Variants in ANKRD52 observed in about 807,000 individuals in gnomAD.
ANKRD52 encodes the protein serine/threonine-protein phosphatase 6 regulatory ankyrin repeat subunit C.
ANKRD52 carries 7 observed loss-of-function variants against 116.0 expected under a neutral mutation model. The observed-to-expected ratio is 0.06, with a 90% CI of 0.03 to 0.11. The LOEUF is 0.11. Among genes scored for constraint, ANKRD52 ranks in the 10% least tolerant of loss-of-function variants. The pLI is 1.00. For synonymous variants in ANKRD52, 528 were observed against 578.1 expected (o/e 0.91, Z 1.24); for missense variants, 839 against 1,408.6 (o/e 0.60, Z 6.47).
chr12:56,246,387 A>G (rs1198831719), intron 20 of ANKRD52, among the ~76,000 whole-genome samples: 2 of 152,156 alleles, frequency 1.3e-5, no homozygotes, highest in Non-Finnish European at 2.9e-5. Context: ...GACTCTCTCT[A>G]TGCCAGCAGA....
chr12:56,256,011 A>G, intron 4 of ANKRD52, 27 bp from the exon 5 acceptor site: 1 of 1,542,696 alleles, frequency 6.5e-7, no homozygotes, highest in Non-Finnish European at 8.8e-7. Context: ...GACAAAAGAG[A>G]GAGTGGGAGC....
intron 3 of ANKRD52, 48 bp downstream of exon 3, chr12:56,257,235 C>G: frequency 6.4e-7 from 1 of 1,555,338 alleles, no homozygotes; most frequent in Non-Finnish European, 8.7e-7. Context: ...AGACTCCTCC[C>G]CTCCCTTCGC....
In ANKRD52 at chr12:56,253,014, A is replaced by T. The variant is rs1040224055; in HGVS notation, c.1173T>A (p.Leu391=). ...LFGFSDCCRK[L]LSSGQLYSIV... is the part of the protein sequence containing the mutation. ...CCCATCAGCACATACCTGAGGAAAG[A>T]AGCTTACGACAACAGTCAGAGAATC... is the stretch of plus-strand genomic sequence containing the variant. The change falls in exon 11 of 28, where the codon CTT becomes CTA. Residue 391 remains leucine, a synonymous_variant. Coordinates refer to ENST00000267116, the MANE Select transcript of ANKRD52 (RefSeq NM_173595.4). This position sits in a 1 kb window ranked among gnomAD's most constrained non-coding sequence, Gnocchi z 5.5. 6.3e-7 allele frequency: 1 copy of T among 1,586,668 alleles called. No homozygotes were observed.
intron 2 of ANKRD52, 91 bp from the exon 3 acceptor site, chr12:56,257,452 C>T: frequency 3.6e-6 from 4 of 1,122,286 alleles, no homozygotes; most frequent in Non-Finnish European, 3.9e-6. Context: ...CAGGCCCTTC[C>T]CCACAACCTC....
chr12:56,249,066 G>A (rs906801310), intron 15 of ANKRD52, among the ~76,000 whole-genome samples, 196 bp from the exon 16 acceptor site: 4 of 152,206 alleles, frequency 2.6e-5, no homozygotes, highest in African/African-American at 9.7e-5. Flanking sequence ...CTCAAGGTCT[G>A]CCCTGAACCC....
At position 56,244,232 on chromosome 12, in the gene ANKRD52, C is replaced by A; in HGVS notation, c.2806-99G>T. The A allele has an allele frequency of 6.5e-7, 1 of 1,528,390 alleles. No homozygotes were observed. Among genetic ancestry groups the A allele is most frequent in the East Asian group, 2.3e-5 (1 of 44,256 alleles). 94.7% of individuals were successfully genotyped at this position (1,528,390 alleles called of 1,614,324 possible). On this transcript the variant is annotated intron_variant, in intron 25 of 27. Coordinates refer to ENST00000267116, the MANE Select transcript of ANKRD52 (RefSeq NM_173595.4). The surrounding 1 kb of genome is among the most constrained non-coding windows in gnomAD (Gnocchi z 4.9). ...AGTAACAGGAGGACAAACAGCTGCC[C>A]AACCAGTCGGATAGGCTGGACAATC...
rs763987203 is a variant in ANKRD52 at position 56,252,742 on chromosome 12, T to A, written c.1301+38A>T. ...TGAGGGGCCCAGACCTTTGCCCAGC[T>A]CCCTGCTCAAAGCATGGGAGAGAGA... is the stretch of plus-strand genomic sequence containing the variant. On this transcript the variant is annotated intron_variant, in intron 12 of 27. Coordinates refer to ENST00000267116, the MANE Select transcript of ANKRD52 (RefSeq NM_173595.4). The surrounding 1 kb of genome is among the most constrained non-coding windows in gnomAD (Gnocchi z 4.7). 1 of 1,601,352 alleles carries A rather than the reference T, an allele frequency of 6.2e-7. No individual in the cohort carries two copies. The highest frequency in any genetic ancestry group is 1.1e-5 in the South Asian group (1 of 90,758).
At position 56,255,059 on chromosome 12, in the gene ANKRD52, T is replaced by C; in HGVS notation, c.463-107A>G. On this transcript the variant is annotated intron_variant, in intron 5 of 27. Transcript: ENST00000267116. This position sits in a 1 kb window ranked among gnomAD's most constrained non-coding sequence, Gnocchi z 4.3. Reference sequence around the variant, plus strand: ...AAAAGGCTGAGGCAGCCTAATGCCTTTTTCCATGAGCAAAACAACCTGGAG... The same window carrying C: ...AAAAGGCTGAGGCAGCCTAATGCCTCTTTCCATGAGCAAAACAACCTGGAG... The C allele has an allele frequency of 8.5e-7, 1 of 1,171,728 alleles. No individual in the cohort carries two copies. The highest frequency in any genetic ancestry group is 1.2e-6 in the Non-Finnish European group (1 of 810,082). 72.6% of individuals were successfully genotyped at this position (1,171,728 alleles called of 1,614,324 possible).
rs1871847847 is a variant in ANKRD52 at position 56,254,434 on chromosome 12, G to A, written c.693+144C>T. On this transcript the variant is annotated intron_variant, in intron 7 of 27. Transcript: ENST00000267116. The surrounding 1 kb of genome is among the most constrained non-coding windows in gnomAD (Gnocchi z 4.6). Reference sequence around the variant, plus strand: ...AGGTACTAAGGGCACTATGGCTAAGGTAAGCATTATTCAGACCCTCTCTAC... The same window carrying A: ...AGGTACTAAGGGCACTATGGCTAAGATAAGCATTATTCAGACCCTCTCTAC... The A allele has an allele frequency of 1.4e-6, 2 of 1,447,858 alleles. No homozygotes were observed. Among genetic ancestry groups the A allele is most frequent in the Non-Finnish European group, 1.9e-6 (2 of 1,072,578 alleles). The allele number at this position is 1,447,858 out of a possible 1,614,324, so 89.7% of individuals were successfully genotyped here.
chr12:56,245,322 C>G, intron 21 of ANKRD52, 55 bp downstream of exon 21: 2 of 1,603,006 alleles, frequency 1.2e-6, no homozygotes, highest in Non-Finnish European at 1.7e-6. Context: ...ACCTGTCCCC[C>G]TCTACACACA....
chr12:56,257,170 G>C, intron 3 of ANKRD52, 85 bp from the exon 4 acceptor site: 1 of 1,559,978 alleles, frequency 6.4e-7, no homozygotes, highest in Non-Finnish European at 8.7e-7. Flanking sequence ...AATCTGAATG[G>C]AGCTGGAGCC....
rs1871167259 is a variant in ANKRD52 at position 56,241,512 on chromosome 12, G to C, written c.*1630C>G. On this transcript the variant is annotated 3_prime_UTR_variant, in exon 28 of 28. Transcript: ENST00000267116. ...GTGAATAAAGCAAACTTGAGTAGGG[G>C]AGGGAGGCTGAAGGATCCCCCCTCA... 1 of 153,932 alleles carries C rather than the reference G, an allele frequency of 6.5e-6. No homozygotes were observed. The highest frequency in any genetic ancestry group is 2.4e-5 in the African/African-American group (1 of 41,524). 9.5% of individuals were successfully genotyped at this position (153,932 alleles called of 1,614,324 possible). A position where few individuals can be genotyped will look rare whatever the true frequency, so the allele number is the denominator to read the frequency against.
Position 56,248,381 on chromosome 12 carries a change from C to A in ANKRD52, c.1776+114G>T. 1 of 1,417,240 alleles carries A rather than the reference C, an allele frequency of 7.1e-7. No homozygotes were observed. 87.8% of individuals were successfully genotyped at this position (1,417,240 alleles called of 1,614,324 possible). On this transcript the variant is annotated intron_variant, in intron 17 of 27. Transcript: ENST00000267116. The surrounding 1 kb of genome is among the most constrained non-coding windows in gnomAD (Gnocchi z 5.1). ...CTTCCTACCCTGCACTGTGCTTATC[C>A]CCTCTCCCACAAAAAGGCAGAAGGA...
chr12:56,247,398 T>C, intron 20 of ANKRD52, 95 bp downstream of exon 20: 2 of 1,025,848 alleles, frequency 1.9e-6, no homozygotes, highest in South Asian at 3.2e-5. Context: ...AATCCTGGCT[T>C]GCCTCCTAGA....
chr12:56,243,028 C>T lies in ANKRD52; in HGVS notation c.*114G>A. On this transcript the variant is annotated 3_prime_UTR_variant, in exon 28 of 28. Transcript: ENST00000267116. This position sits in a 1 kb window ranked among gnomAD's most constrained non-coding sequence, Gnocchi z 4.6. ...CTGCTCCCCAGGGCTTCCTTCCCCT[C>T]CGCCCCCTCCACCCAGTCGTGTTCT... 7.2e-7 allele frequency: 1 copy of T among 1,382,888 alleles called. No homozygotes were observed. Among genetic ancestry groups the T allele is most frequent in the Admixed American group, 2.8e-5 (1 of 36,000 alleles). The allele number at this position is 1,382,888 out of a possible 1,614,324, so 85.7% of individuals were successfully genotyped here. A position where few individuals can be genotyped will look rare whatever the true frequency, so the allele number is the denominator to read the frequency against.
rs922792301 is a variant in ANKRD52, at chr12:56,241,904, C to A, written c.*1238G>T. On this transcript the variant is annotated 3_prime_UTR_variant, in exon 28 of 28. Transcript: ENST00000267116. ...AGCCCCCAGCTCAATCCCATCTTTC[C>A]TCCCTGCTGGGAAGGCAGGGACCAA... The A allele has an allele frequency of 7.5e-6, 3 of 398,358 alleles. No homozygotes were observed. The East Asian group carries it at 1.1e-4, about 14-fold the overall frequency. The allele number at this position is 398,358 out of a possible 1,614,324, so 24.7% of individuals were successfully genotyped here.
rs1029207176 is a variant in ANKRD52, at chr12:56,242,271, C to T, written c.*871G>A. The T allele has an allele frequency of 1.0e-5, 4 of 398,066 alleles. No homozygotes were observed. Among genetic ancestry groups the T allele is most frequent in the Admixed American group, 4.4e-5 (1 of 22,698 alleles). The allele number at this position is 398,066 out of a possible 1,614,324, so 24.7% of individuals were successfully genotyped here. On this transcript the variant is annotated 3_prime_UTR_variant, in exon 28 of 28. Transcript: ENST00000267116. The surrounding 1 kb of genome is among the most constrained non-coding windows in gnomAD (Gnocchi z 4.3). ...TTGTTTCTTCCCCTAAAGGATAAAA[C>T]GCTTACTTAAAAATTCATGACAAGC...
chr12:56,249,332 T>C (rs1179591601), intron 15 of ANKRD52, among the ~76,000 whole-genome samples: 1 of 152,216 alleles, frequency 6.6e-6, no homozygotes, highest in African/African-American at 2.4e-5. Context: ...TGTGCTCCCT[T>C]GGCAGTCTTC....
chr12:56,243,967 C>T lies in ANKRD52; in HGVS notation c.2888+84G>A, dbSNP rs1871280835. On this transcript the variant is annotated intron_variant, in intron 26 of 27. Coordinates refer to ENST00000267116, the MANE Select transcript of ANKRD52 (RefSeq NM_173595.4). The surrounding 1 kb of genome is among the most constrained non-coding windows in gnomAD (Gnocchi z 4.6). ...AAGGGTGCTGAACAAATACAATGGG[C>T]TCCAGAGAGCCTCTGAACAGCGGCC... The T allele has an allele frequency of 6.2e-7, 1 of 1,600,842 alleles. No individual in the cohort carries two copies. Among genetic ancestry groups the T allele is most frequent in the African/African-American group, 1.3e-5 (1 of 74,604 alleles).
Sources: allele counts gnomAD v4.1 joint callset (sites outside exome capture counted in the v4.1 genomes callset), GRCh38; gene constraint gnomAD v4.1.1; non-coding constraint Gnocchi (gnomAD v3.1); transcripts MANE v1.5; gene names NCBI Gene and HGNC (gene_info 2026-07-23, HGNC 2026-07-21).